BNC2: variants seen among roughly 807,000 people sequenced by gnomAD.
BNC2 encodes zinc finger protein basonuclin-2.
Under a neutral mutation model 76.3 loss-of-function variants are expected in BNC2, and 20 were observed. The ratio of observed to expected loss-of-function variants is 0.26; its 90% CI spans 0.18 to 0.38. The LOEUF is 0.38. BNC2 is among the 10% of genes least tolerant of loss of function. The pLI is 1.00. For missense variants in BNC2, 1,382 were observed against 1,399.8 expected (o/e 0.99, Z 0.20); for synonymous variants, 582 against 514.8 (o/e 1.13, Z -1.77).
chr9:16,850,779 CAG>C (rs1215982131), intron 1 of BNC2, among the ~76,000 whole-genome samples: 2 of 150,270 alleles, frequency 1.3e-5, no homozygotes, highest in Admixed American at 1.3e-4. Flanking sequence ...GTCAGGGTGA[CAG>C]AGGGAGACTC....
At chr9:16,673,665 A>C (rs1251988663) in intron 3 of BNC2, among the ~76,000 whole-genome samples, 1 of 152,230 alleles carries the variant, frequency 6.6e-6, no homozygotes, top group African/African-American at 2.4e-5. Context: ...TTAAATAACA[A>C]GATAATCTCA....
rs1195750331 is a variant in BNC2, at chr9:16,417,188, C to T, written c.*1801G>A. ...AAAGACAACAAAACAGTCTGCAATG[C>T]ACACCCTAATGGTTTTGGCTGCAGA... On this transcript the variant is annotated 3_prime_UTR_variant, in exon 7 of 7. Transcript: ENST00000380672. 1 of 152,086 alleles carries T rather than the reference C, an allele frequency of 6.6e-6. No individual in the cohort carries two copies. The highest frequency in any genetic ancestry group is 1.5e-5 in the Non-Finnish European group (1 of 67,970). The allele number at this position is 152,086 out of a possible 1,614,324, so 9.4% of individuals were successfully genotyped here.
At chr9:16,811,534 A>G (rs1450985738) in intron 1 of BNC2, among the ~76,000 whole-genome samples, 1 of 140,208 alleles carries the variant, frequency 7.1e-6, no homozygotes, top group Non-Finnish European at 1.6e-5. Context: ...CCTGGGCAAC[A>G]AGAGTGAAAC....
intron 5 of BNC2, among the ~76,000 whole-genome samples, chr9:16,534,160 C>T (rs1232325934): frequency 1.3e-5 from 2 of 152,060 alleles, no homozygotes; most frequent in African/African-American, 4.8e-5. Flanking sequence ...TTAGAAGATG[C>T]AATTTTGAGG....
intron 3 of BNC2, among the ~76,000 whole-genome samples, chr9:16,624,020 A>G (rs1027117179): frequency 2.0e-5 from 3 of 152,210 alleles, no homozygotes; most frequent in Non-Finnish European, 4.4e-5. Context: ...AGAATTTCTT[A>G]AGATATACCA....
At position 16,439,030 on chromosome 9, in the gene BNC2, G is replaced by C. The variant is rs144495687; in HGVS notation, c.670-1506C>G. ...TTTCCCGTACTGTTCCTATGACAGT[G>C]AGTAAGTCTCATGAGATCTGATGGT... On this transcript the variant is annotated intron_variant, in intron 5 of 6. Coordinates refer to ENST00000380672, the MANE Select transcript of BNC2 (RefSeq NM_017637.6). Among the ~76,000 whole-genome samples the C allele has an allele frequency of 1.0e-3, 155 of 152,252 alleles. 5 individuals are homozygous for C. The East Asian group carries it at 0.024, about 24-fold the overall frequency.
At chr9:16,510,255 A>T (rs149034864) in intron 5 of BNC2, among the ~76,000 whole-genome samples, 4 of 152,318 alleles carry the variant, frequency 2.6e-5, no homozygotes, top group African/African-American at 9.6e-5. Flanking sequence ...CAACTTCCTC[A>T]CTGGGTGGAC....
intron 3 of BNC2, among the ~76,000 whole-genome samples, chr9:16,696,484 G>C (rs190686603): frequency 6.6e-4 from 100 of 152,198 alleles, no homozygotes; most frequent in African/African-American, 2.3e-3. Context: ...GAAATTTCCT[G>C]ATACCTTTGG....
At chr9:16,451,641 G>A (rs1350359090) in intron 5 of BNC2, among the ~76,000 whole-genome samples, 4 of 152,014 alleles carry the variant, frequency 2.6e-5, no homozygotes, top group African/African-American at 9.7e-5. Context: ...TGCCTTTCTG[G>A]TATGCCCATT....
rs1222468574 is a variant in BNC2, at chr9:16,415,133, G to C, written c.*3856C>G. 1 of 152,164 alleles carries C rather than the reference G, an allele frequency of 6.6e-6. No homozygotes were observed. Among genetic ancestry groups the C allele is most frequent in the East Asian group, 1.9e-4 (1 of 5,192 alleles). 9.4% of individuals were successfully genotyped at this position (152,164 alleles called of 1,614,324 possible). A position where few individuals can be genotyped will look rare whatever the true frequency, so the allele number is the denominator to read the frequency against. On this transcript the variant is annotated 3_prime_UTR_variant, in exon 7 of 7. Coordinates refer to ENST00000380672, the MANE Select transcript of BNC2 (RefSeq NM_017637.6). ...ACCTTTAAACCTTTAAAAGGCATCA[G>C]GCTGAACAGGGCAGCTGGACTAAGA...
intron 3 of BNC2, among the ~76,000 whole-genome samples, chr9:16,623,610 A>C (rs1029957931): frequency 6.6e-6 from 1 of 152,206 alleles, no homozygotes; most frequent in East Asian, 1.9e-4. Flanking sequence ...TAAGGATCTA[A>C]CTTACATGCA....
At chr9:16,654,163 C>G (rs1175903891) in intron 3 of BNC2, among the ~76,000 whole-genome samples, 1 of 152,144 alleles carries the variant, frequency 6.6e-6, no homozygotes, top group East Asian at 1.9e-4. Context: ...AGCACAGGCT[C>G]TTAGGCAACT....
At chr9:16,661,482 G>A (rs991360106) in intron 3 of BNC2, among the ~76,000 whole-genome samples, 1 of 152,014 alleles carries the variant, frequency 6.6e-6, no homozygotes, top group African/African-American at 2.4e-5. Flanking sequence ...CAAAGCTAAG[G>A]TATGTATTAT....
At chr9:16,758,307 G>A (rs190433664) in intron 1 of BNC2, among the ~76,000 whole-genome samples, 256 of 151,340 alleles carry the variant, frequency 1.7e-3, no homozygotes, top group African/African-American at 5.5e-3. Flanking sequence ...CTCATCTCAA[G>A]GTCCTTAACA....
At chr9:16,443,761 C>T (rs948887847) in intron 5 of BNC2, among the ~76,000 whole-genome samples, 1 of 152,150 alleles carries the variant, frequency 6.6e-6, no homozygotes, top group South Asian at 2.1e-4. Flanking sequence ...ACATACGCTA[C>T]TGTTCCAAGC....
At position 16,419,243 on chromosome 9, in the gene BNC2, C is replaced by T; in HGVS notation, c.3046G>A (p.Gly1016Arg). 6.2e-7 allele frequency: 1 copy of T among 1,614,190 alleles called. No homozygotes were observed. The highest frequency in any genetic ancestry group is 1.1e-5 in the South Asian group (1 of 91,088). Residue 1016 changes from glycine to arginine, a missense_variant, in exon 7 of 7, where the codon GGG becomes AGG. Gly to Arg is a moderately radical substitution (Grantham distance 125, BLOSUM62 -2). This residue lies in a region of BNC2 where 798 missense variants were observed against 775.5 expected (regional missense o/e 1.03). Coordinates refer to ENST00000380672, the MANE Select transcript of BNC2 (RefSeq NM_017637.6). The part of the protein sequence containing the change: ...AEAPALPGSL[G>R]AEVSGSLMFS... ...ATAAGAGATCCTGAAACTTCAGCCCCTAGGCTGCCAGGGAGGGCAGGGGCC... is the reference window on the plus strand; with the variant it reads ...ATAAGAGATCCTGAAACTTCAGCCCTTAGGCTGCCAGGGAGGGCAGGGGCC...
intron 1 of BNC2, among the ~76,000 whole-genome samples, chr9:16,762,121 G>A (rs1220353772): frequency 2.6e-5 from 4 of 152,222 alleles, no homozygotes; most frequent in African/African-American, 9.6e-5. Context: ...CCATGCTCCA[G>A]GAAGCAAACT....
intron 3 of BNC2, among the ~76,000 whole-genome samples, chr9:16,653,071 G>C: frequency 6.6e-6 from 1 of 152,016 alleles, no homozygotes; most frequent in Middle Eastern, 3.2e-3. Context: ...AGTATTTTTA[G>C]TTTAAAATTA....
At chr9:16,444,103 A>C (rs528155257) in intron 5 of BNC2, among the ~76,000 whole-genome samples, 11 of 152,318 alleles carry the variant, frequency 7.2e-5, no homozygotes, top group African/African-American at 2.6e-4. Flanking sequence ...AGCACGGCCA[A>C]ATCACAGGCA....
Sources: gnomAD v4.1 joint callset for allele counts (sites outside exome capture counted in the v4.1 genomes callset) on GRCh38, gnomAD v4.1.1 for gene constraint, gnomAD v4.1.1 regional missense constraint, MANE v1.5 for transcripts, NCBI Gene and HGNC (gene_info 2026-07-23, HGNC 2026-07-21) for gene names.